Variants in LOXL4 observed in about 807,000 individuals in gnomAD.
LOXL4 encodes the protein lysyl oxidase like 4, also known as lysyl oxidase homolog 4.
Under a neutral mutation model 89.1 loss-of-function variants are expected in LOXL4, and 72 were observed. The observed-to-expected ratio is 0.81, with a 90% CI of 0.67 to 0.98. LOXL4 has a LOEUF of 0.98. Ranked by LOEUF, LOXL4 falls within the 50% of genes least tolerant of loss-of-function variation. LOXL4 has a pLI of 0.00. For missense variants in LOXL4, 984 were observed against 1,017.5 expected (o/e 0.97, Z 0.45); for synonymous variants, 355 against 392.1 (o/e 0.91, Z 1.12).
In LOXL4 at chr10:98,262,020, G is replaced by T; in HGVS notation, c.456+15C>A. On this transcript the variant is annotated intron_variant, in intron 3 of 14. Transcript: ENST00000260702. ...CAGCCCTTGGCTCAGACCAGAGCCT[G>T]AACAGCCTCCTCACCTGGGGCCCAA... 6.3e-7 allele frequency: 1 copy of T among 1,597,316 alleles called. No individual in the cohort carries two copies. Among genetic ancestry groups the T allele is most frequent in the South Asian group, 1.1e-5 (1 of 89,364 alleles).
Position 98,259,023 on chromosome 10 carries a change from CT to C in LOXL4, c.906del (p.Ser304ProfsTer25). ...FRPPKTKPQR[K>X]GSWAEEPRVR... ...CCAGGGCTCACCTCTGCCCAGGACC[CT>C]TTGCGTTGTGGCTTTGTCTTCGGTG... On this transcript the variant is annotated frameshift_variant, in exon 6 of 15. Coordinates refer to ENST00000260702, the MANE Select transcript of LOXL4 (RefSeq NM_032211.7). LOFTEE classifies it high-confidence loss of function. 1 of 1,551,886 alleles carries C rather than the reference CT, an allele frequency of 6.4e-7. No individual in the cohort carries two copies. Among genetic ancestry groups the C allele is most frequent in the Non-Finnish European group, 8.7e-7 (1 of 1,146,856 alleles).
intron 4 of LOXL4, 107 bp downstream of exon 4, chr10:98,260,815 T>G (rs11189526): frequency 0.34 from 404,556 of 1,203,618 alleles, 69,511 homozygotes; most frequent in Non-Finnish European, 0.36. Flanking sequence ...GAGTCCACAC[T>G]CAGACTCATG....
rs141937601 is a variant in LOXL4, at chr10:98,248,572, G to T, written c.*349C>A. ...ATTTGCAAAGCACCACTTAGATGGG[G>T]GACTGGGCCATAGTCCATCCCTAAG... On this transcript the variant is annotated 3_prime_UTR_variant, in exon 15 of 15. Transcript: ENST00000260702. The T allele has an allele frequency of 2.0e-5, 5 of 250,778 alleles. No individual in the cohort carries two copies. Among genetic ancestry groups the T allele is most frequent in the African/African-American group, 8.9e-5 (4 of 44,814 alleles). 15.5% of individuals were successfully genotyped at this position (250,778 alleles called of 1,614,324 possible).
intron 6 of LOXL4, 112 bp from the exon 7 acceptor site, chr10:98,258,276 G>T: frequency 8.9e-7 from 1 of 1,127,078 alleles, no homozygotes; most frequent in Non-Finnish European, 1.2e-6. Context: ...GCGGTGGCCA[G>T]AGCCAAGGAT....
At position 98,262,799 on chromosome 10, in the gene LOXL4, A is replaced by G. The variant is rs759350529; in HGVS notation, c.221T>C (p.Leu74Pro). 9 of 1,613,442 alleles carry G rather than the reference A, an allele frequency of 5.6e-6. No individual in the cohort carries two copies. In the Admixed American group the frequency reaches 1.0e-4, roughly 18 times the overall value. ...CCAGGTCAAGGCAGCTTCGAAGCCC[A>G]GCTGGCGGCAAGCCACTGTGGCCTC... ...IQEATVACRQ[L>P]GFEAALTWAH... The change falls in exon 2 of 15, where the codon CTG (leucine) becomes CCG (proline). Residue 74 changes from leucine (L) to proline (P), a missense_variant. Transcript: ENST00000260702.
At position 98,257,704 on chromosome 10, in the gene LOXL4, A is replaced by G; in HGVS notation, c.1206T>C (p.His402=). 1 of 1,612,518 alleles carries G rather than the reference A, an allele frequency of 6.2e-7. No homozygotes were observed. Among genetic ancestry groups the G allele is most frequent in the Non-Finnish European group, 8.5e-7 (1 of 1,178,630 alleles). The change falls in exon 8 of 15, where the codon CAT becomes CAC. Residue 402 remains histidine (H), a synonymous_variant. Transcript: ENST00000260702. ...TGCACCTGACAGCAGCATCATTCTC[A>G]TGTTGGCAACCATTCTGGGACCCTT... is the stretch of plus-strand genomic sequence containing the variant. The part of the protein sequence containing the change: ...ALEGSQNGCQ[H]ENDAAVRCNV...
chr10:98,257,587 T>C, intron 8 of LOXL4, 63 bp downstream of exon 8: 1 of 1,550,168 alleles, frequency 6.5e-7, no homozygotes, highest in Non-Finnish European at 8.8e-7. Flanking sequence ...CGATGTGGTG[T>C]CCTGGGGACT....
chr10:98,267,799 C>T (rs1288600542), intron 1 of LOXL4, among the ~76,000 whole-genome samples: 2 of 152,202 alleles, frequency 1.3e-5, no homozygotes, highest in African/African-American at 4.8e-5. Flanking sequence ...TCTGAACCCG[C>T]CTTGCCCCTT....
In LOXL4 at chr10:98,255,565, T is replaced by TC; in HGVS notation, c.1591+11dup. On this transcript the variant is annotated intron_variant, in intron 10 of 14. Transcript: ENST00000260702. ...TACCTGTCCCCAGCCCTGTGAGCCC[T>TC]CCGTCACTCACTGTCCATGCAGGAG... 1 of 1,592,612 alleles carries TC rather than the reference T, an allele frequency of 6.3e-7. No individual in the cohort carries two copies. The highest frequency in any genetic ancestry group is 8.6e-7 in the Non-Finnish European group (1 of 1,162,584).
intron 13 of LOXL4, 67 bp downstream of exon 13, chr10:98,251,499 C>T: frequency 1.3e-6 from 2 of 1,583,202 alleles, no homozygotes; most frequent in South Asian, 1.2e-5. Flanking sequence ...CTTCATTTGC[C>T]CTCAGGGAAA....
chr10:98,264,404 T>G (rs187559893), intron 1 of LOXL4, among the ~76,000 whole-genome samples: 7 of 149,482 alleles, frequency 4.7e-5, no homozygotes, highest in African/African-American at 1.7e-4. Context: ...TGCCCTTCTC[T>G]TACCCCCAGA....
At chr10:98,266,361 C>T (rs1340995074) in intron 1 of LOXL4, among the ~76,000 whole-genome samples, 1 of 152,214 alleles carries the variant, frequency 6.6e-6, no homozygotes, top group Non-Finnish European at 1.5e-5. Context: ...TGGCACTAGA[C>T]AGCCCCCCTA....
Position 98,262,918 on chromosome 10 carries a change from C to A in LOXL4, c.102G>T (p.Leu34=), listed in dbSNP as rs1443020607. The change falls in exon 2 of 15, where the codon CTG becomes CTT. Residue 34 remains leucine, a synonymous_variant. Transcript: ENST00000260702. The part of the protein sequence containing the change: ...PQSLGTTKLR[L]VGPESKPEEG... ...CCTCTGGCTTGCTCTCTGGGCCCAC[C>A]AGCCGGAGCTTAGTGGTGCCCAGTG... The A allele has an allele frequency of 6.2e-7, 1 of 1,613,586 alleles. No homozygotes were observed. The highest frequency in any genetic ancestry group is 1.1e-5 in the South Asian group (1 of 91,080).
At chr10:98,256,654 G>T in intron 9 of LOXL4, 126 bp downstream of exon 9, 2 of 1,058,006 alleles carry the variant, frequency 1.9e-6, no homozygotes, top group South Asian at 1.4e-5. Flanking sequence ...CATCATGTCG[G>T]CTCATAGTTT....
At position 98,257,695 on chromosome 10, in the gene LOXL4, A is replaced by G. The variant is rs1158581927; in HGVS notation, c.1215T>C (p.Asp405=). The change falls in exon 8 of 15, where the codon GAT becomes GAC. Residue 405 remains aspartate, a synonymous_variant. Coordinates refer to ENST00000260702, the MANE Select transcript of LOXL4 (RefSeq NM_032211.7). The part of the protein sequence containing the change: ...GSQNGCQHEN[D]AAVRCNVPNM... ...TAGGGACATTGCACCTGACAGCAGC[A>G]TCATTCTCATGTTGGCAACCATTCT... 6.2e-7 allele frequency: 1 copy of G among 1,613,746 alleles called. No homozygotes were observed.
chr10:98,261,222 C>T, intron 3 of LOXL4, 95 bp from the exon 4 acceptor site: 1 of 1,325,010 alleles, frequency 7.5e-7, no homozygotes, highest in South Asian at 1.3e-5. Flanking sequence ...GGGCTTGGAG[C>T]TTTTCGAGAC....
rs748520162 is a variant in LOXL4 at position 98,257,646 on chromosome 10, T to C, written c.1260+4A>G. 6.2e-7 allele frequency: 1 copy of C among 1,612,628 alleles called. No individual in the cohort carries two copies. The highest frequency in any genetic ancestry group is 1.7e-5 in the Admixed American group (1 of 59,918). ...CCTGAGGCCATGCTCAGACCCAAAC[T>C]CACCTGATTCTGAAAGCCCATGTTA... is the stretch of plus-strand genomic sequence containing the variant. On this transcript the variant is annotated splice_donor_region_variant and intron_variant, in intron 8 of 14. Coordinates refer to ENST00000260702, the MANE Select transcript of LOXL4 (RefSeq NM_032211.7).
intron 12 of LOXL4, 182 bp downstream of exon 12, chr10:98,252,171 A>C: frequency 1.7e-6 from 1 of 584,170 alleles, no homozygotes; most frequent in Non-Finnish European, 3.0e-6. Flanking sequence ...AATTCAGAGG[A>C]AGTAAAAACC....
rs145085355 is a variant in LOXL4, at chr10:98,251,626, A to G, written c.2028T>C (p.His676=). ...TATCCACCCACTGGCAATCAATGTC[A>G]TGCCGGTAGGTGTCCCAGCAGCCTA... The part of the protein sequence containing the change: ...VTVGCWDTYR[H]DIDCQWVDIT... Residue 676 remains histidine (H), a synonymous_variant, in exon 13 of 15, where the codon CAT becomes CAC. Coordinates refer to ENST00000260702, the MANE Select transcript of LOXL4 (RefSeq NM_032211.7). The G allele has an allele frequency of 5.6e-6, 9 of 1,613,802 alleles. No individual in the cohort carries two copies. In the African/African-American group the frequency reaches 9.3e-5, roughly 17 times the overall value.
Sources: gnomAD v4.1 joint callset for allele counts (sites outside exome capture counted in the v4.1 genomes callset) on GRCh38, gnomAD v4.1.1 for gene constraint, MANE v1.5 for transcripts, NCBI Gene and HGNC (gene_info 2026-07-23, HGNC 2026-07-21) for gene names.